The following PCDHA2 variants were observed in gnomAD, a reference collection of about 807,000 sequenced individuals.
The protein encoded by PCDHA2 is protocadherin alpha-2.
PCDHA2 carries 58 observed loss-of-function variants against 66.0 expected under a neutral mutation model. The observed-to-expected ratio is 0.88, with a 90% CI of 0.71 to 1.09. The LOEUF (loss-of-function observed/expected upper bound fraction) is 1.09. Ranked by LOEUF, PCDHA2 falls within the 50% of genes least tolerant of loss-of-function variation. PCDHA2 has a pLI of 0.00. For synonymous variants in PCDHA2, 634 were observed against 554.0 expected, an observed-to-expected ratio of 1.14 and a Z score of -2.03; for missense variants, 1,267 against 1,242.3, an observed-to-expected ratio of 1.02 and a Z score of -0.30.
intron 1 of PCDHA2, among the ~76,000 whole-genome samples, chr5:140,949,857 G>A (rs1554219193): frequency 6.6e-6 from 1 of 151,520 alleles, no homozygotes; most frequent in East Asian, 1.9e-4. Context: ...CCGCTTATCT[G>A]TTGTCTTTTG....
intron 1 of PCDHA2, among the ~76,000 whole-genome samples, chr5:140,872,037 G>T (rs1554166004): frequency 1.3e-5 from 2 of 152,238 alleles, no homozygotes; most frequent in African/African-American, 2.4e-5. Context: ...TAAGCTCAAA[G>T]AATTCTCCCA....
chr5:140,830,936 T>C (rs1771298831), intron 1 of PCDHA2: 1 of 152,346 alleles, frequency 6.6e-6, no homozygotes, highest in South Asian at 2.1e-4. Context: ...TGTCGACACT[T>C]TTATTAAGCT....
At chr5:140,880,064 G>C (rs967410421) in intron 1 of PCDHA2, among the ~76,000 whole-genome samples, 2 of 152,148 alleles carry the variant, frequency 1.3e-5, no homozygotes, top group African/African-American at 2.4e-5. Context: ...ACTTTTTGGG[G>C]ACCACAATTC....
At chr5:140,867,294 T>C (rs987236296) in intron 1 of PCDHA2, 3 of 152,152 alleles carry the variant, frequency 2.0e-5, no homozygotes, top group African/African-American at 7.2e-5. Flanking sequence ...TCAAATATCA[T>C]GTTGAATATA....
chr5:140,836,350 A>G, intron 1 of PCDHA2: 1 of 1,613,636 alleles, frequency 6.2e-7, no homozygotes, highest in Non-Finnish European at 8.5e-7. Context: ...GACCACGGGG[A>G]GCCCTCGCTG....
At chr5:140,917,301 G>T (rs2078005324) in intron 1 of PCDHA2, among the ~76,000 whole-genome samples, 1 of 138,576 alleles carries the variant, frequency 7.2e-6, no homozygotes, top group Non-Finnish European at 1.5e-5. Flanking sequence ...GCAGATAGTT[G>T]TTACAATTTG....
intron 1 of PCDHA2, chr5:140,803,002 G>C (rs1554122512): frequency 6.2e-7 from 1 of 1,614,060 alleles, no homozygotes. Flanking sequence ...GCAGACTCAG[G>C]CTACAACGCG....
chr5:140,891,820 G>T (rs1341896388), intron 1 of PCDHA2, among the ~76,000 whole-genome samples: 3 of 152,102 alleles, frequency 2.0e-5, no homozygotes, highest in African/African-American at 7.2e-5. Context: ...TAAATTAACG[G>T]CACTGTAAAA....
chr5:140,916,831 G>A (rs1038292722), intron 1 of PCDHA2, among the ~76,000 whole-genome samples: 22 of 152,082 alleles, frequency 1.4e-4, no homozygotes, highest in Non-Finnish European at 2.9e-4. Context: ...CTATCCCTCT[G>A]GTTCTGAGCC....
At chr5:140,823,659 C>A in intron 1 of PCDHA2, 1 of 1,613,984 alleles carries the variant, frequency 6.2e-7, no homozygotes, top group Non-Finnish European at 8.5e-7. Context: ...TGTACACAGG[C>A]GAGATCAGCA....
chr5:140,968,871 C>A lies in PCDHA2; in HGVS notation c.2389-10078C>A, dbSNP rs782670653. 11 of 1,614,218 alleles carry A rather than the reference C, an allele frequency of 6.8e-6. No individual in the cohort carries two copies. In the South Asian group the frequency reaches 1.2e-4, roughly 18 times the overall value. On this transcript the variant is annotated intron_variant, in intron 1 of 3. Coordinates refer to ENST00000526136, the MANE Select transcript of PCDHA2 (RefSeq NM_018905.3). ...CATGTTAAGAGCCCTCGGACATACT[C>A]TGAAATTACCCTTTATCTAATAATA...
chr5:140,859,090 A>G (rs2045720842), intron 1 of PCDHA2: 1 of 150,172 alleles, frequency 6.7e-6, no homozygotes, highest in African/African-American at 2.4e-5. Context: ...GTCAGTGTGT[A>G]TTATTCACTT....
chr5:140,861,442 G>T (rs251368), intron 1 of PCDHA2: 232,262 of 488,424 alleles, frequency 0.48, 56,771 homozygotes, highest in South Asian at 0.56. Context: ...TCCAAAAGCC[G>T]CAGAAACCTT....
At chr5:140,939,351 T>C (rs918440257) in intron 1 of PCDHA2, among the ~76,000 whole-genome samples, 2 of 152,140 alleles carry the variant, frequency 1.3e-5, no homozygotes, top group Non-Finnish European at 1.5e-5. Flanking sequence ...TTTCAACTTA[T>C]GATTGCAAAG....
intron 1 of PCDHA2, chr5:140,842,764 C>A (rs1554139348): frequency 3.1e-6 from 5 of 1,594,666 alleles, no homozygotes; most frequent in Non-Finnish European, 4.3e-6. Flanking sequence ...CTGCGCGAGA[C>A]GCGGACGCGC....
At chr5:140,849,808 C>T (rs2150450895) in intron 1 of PCDHA2, 6 of 1,598,320 alleles carry the variant, frequency 3.8e-6, no homozygotes, top group South Asian at 1.1e-5. Flanking sequence ...CTGTGGGCCA[C>T]GGCCAGGGTG....
chr5:140,797,296 C>T lies in PCDHA2; in HGVS notation c.2332C>T (p.Gln778Ter). 1 of 1,614,226 alleles carries T rather than the reference C, an allele frequency of 6.2e-7. No homozygotes were observed. The highest frequency in any genetic ancestry group is 1.1e-5 in the South Asian group (1 of 91,088). Residue 778 changes from glutamine to a stop codon, truncating the protein, a stop_gained, in exon 1 of 4, where the codon CAA becomes TAA. Coordinates refer to ENST00000526136, the MANE Select transcript of PCDHA2 (RefSeq NM_018905.3). LOFTEE classifies it high-confidence loss of function. ...CATGGCCTTCAGCCCTAGCTTATCTCAAGGTCCAGACTCCGCAGAAGAGAA... is the reference window on the plus strand; with the variant it reads ...CATGGCCTTCAGCCCTAGCTTATCTTAAGGTCCAGACTCCGCAGAAGAGAA... Reference protein sequence around the residue: ...DLMAFSPSLSQGPDSAEEKQL... With the variant: ...DLMAFSPSLS
chr5:140,923,570 C>T (rs1554201533), intron 1 of PCDHA2, among the ~76,000 whole-genome samples: 2 of 152,136 alleles, frequency 1.3e-5, no homozygotes, highest in African/African-American at 4.8e-5. Context: ...AAAGGTCCTG[C>T]TAAAGAGAAG....
chr5:140,905,750 C>T (rs1349523564), intron 1 of PCDHA2, among the ~76,000 whole-genome samples: 1 of 152,102 alleles, frequency 6.6e-6, no homozygotes, highest in Non-Finnish European at 1.5e-5. Flanking sequence ...GATCTTTCAC[C>T]TCCTTGGTTA....
Sources: gnomAD v4.1 joint callset for allele counts (sites outside exome capture counted in the v4.1 genomes callset) on GRCh38, gnomAD v4.1.1 for gene constraint, MANE v1.5 for transcripts, NCBI Gene and HGNC (gene_info 2026-07-23, HGNC 2026-07-21) for gene names.